The following ETV2 variants were observed in gnomAD, a reference collection of about 807,000 sequenced individuals.
ETV2 encodes the protein ETS translocation variant 2.
Under a neutral mutation model 35.7 loss-of-function variants are expected in ETV2, and 34 were observed. The ratio of observed to expected loss-of-function variants is 0.95; its 90% confidence interval spans 0.72 to 1.27. The LOEUF (loss-of-function observed/expected upper bound fraction) is 1.27. Among genes scored for constraint, ETV2 ranks in the 50% most tolerant of loss-of-function variants. ETV2 has a pLI of 0.00. For missense variants in ETV2, 512 were observed against 470.5 expected (o/e 1.09, Z -0.82); for synonymous variants, 207 against 203.9 (o/e 1.02, Z -0.13).
chr19:35,644,118 G>C lies in ETV2; in HGVS notation c.716-117G>C. 1.4e-6 allele frequency: 1 copy of C among 737,782 alleles called. No homozygotes were observed. The highest frequency in any genetic ancestry group is 2.4e-6 in the Non-Finnish European group (1 of 418,934). The allele number at this position is 737,782 out of a possible 1,614,324, so 45.7% of individuals were successfully genotyped here. A position where few individuals can be genotyped will look rare whatever the true frequency, so the allele number is the denominator to read the frequency against. On this transcript the variant is annotated intron_variant, in intron 5 of 6. Coordinates refer to ENST00000402764, the MANE Select transcript of ETV2 (RefSeq NM_014209.4). This position sits in a 1 kb window ranked among gnomAD's most constrained non-coding sequence, Gnocchi z 4.7. Reference sequence around the variant, plus strand: ...ACTGTTGGATCTCAGAGAAGGGGGGGCGGATCCCCTTCTCGGGTCCTGGGT... The same window carrying C: ...ACTGTTGGATCTCAGAGAAGGGGGGCCGGATCCCCTTCTCGGGTCCTGGGT...
Position 35,643,204 on chromosome 19 carries a change from G to A in ETV2, c.236-70G>A. The A allele has an allele frequency of 6.5e-7, 1 of 1,531,166 alleles. No homozygotes were observed. Among genetic ancestry groups the A allele is most frequent in the Non-Finnish European group, 8.8e-7 (1 of 1,142,460 alleles). 94.8% of individuals were successfully genotyped at this position (1,531,166 alleles called of 1,614,324 possible). ...GCCGGGCCCCAAGTGCCAGGGTTGA[G>A]AGCTTAGACCCTAGAGTTTTTGAGG... On this transcript the variant is annotated intron_variant, in intron 4 of 6. Transcript: ENST00000402764. The surrounding 1 kb of genome is among the most constrained non-coding windows in gnomAD (Gnocchi z 5.0).
In ETV2 at chr19:35,644,691, A is replaced by T. The variant is rs773445775; in HGVS notation, c.868A>T (p.Met290Leu). Residue 290 changes from methionine to leucine, a missense_variant, in exon 7 of 7, where the codon ATG becomes TTG. Transcript: ENST00000402764. This position sits in a 1 kb window ranked among gnomAD's most constrained non-coding sequence, Gnocchi z 4.7. Reference protein sequence around the residue: ...LWGERKRKPGMNYEKLSRGLR... With the variant: ...LWGERKRKPGLNYEKLSRGLR... ...GGGCGAGCGCAAGAGAAAGCCGGGC[A>T]TGAATTACGAGAAGCTGAGCCGGGG... 2.5e-6 allele frequency: 4 copies of T among 1,603,570 alleles called. No individual in the cohort carries two copies. The highest frequency in any genetic ancestry group is 3.4e-6 in the Non-Finnish European group (4 of 1,174,278).
Position 35,643,671 on chromosome 19 carries a change from C to T in ETV2, c.633C>T (p.Ser211=). 3 of 1,613,834 alleles carry T rather than the reference C, an allele frequency of 1.9e-6. No individual in the cohort carries two copies. The highest frequency in any genetic ancestry group is 1.7e-5 in the Admixed American group (1 of 60,018). Residue 211 remains serine, a synonymous_variant, in exon 5 of 7, where the codon AGC becomes AGT. Coordinates refer to ENST00000402764, the MANE Select transcript of ETV2 (RefSeq NM_014209.4). This position sits in a 1 kb window ranked among gnomAD's most constrained non-coding sequence, Gnocchi z 5.0. ...CCACCTCTTTGAAGCGGTACCAGAG[C>T]TCAGCTCTCACCGTTTGCTCCGAAC... ...GGTTSLKRYQ[S]SALTVCSEPS... is the part of the protein sequence containing the mutation.
At position 35,643,076 on chromosome 19, in the gene ETV2, G is replaced by A; in HGVS notation, c.235+31G>A. On this transcript the variant is annotated intron_variant, in intron 4 of 6. Coordinates refer to ENST00000402764, the MANE Select transcript of ETV2 (RefSeq NM_014209.4). This position sits in a 1 kb window ranked among gnomAD's most constrained non-coding sequence, Gnocchi z 5.0. The stretch of plus-strand genomic sequence containing the variant: ...TGTGGGGAGAGGCGGTGGGAGGTGG[G>A]GACTGGGGTCCCGAGGCACCGGGGC... The A allele has an allele frequency of 6.9e-7, 1 of 1,454,952 alleles. No individual in the cohort carries two copies. Among genetic ancestry groups the A allele is most frequent in the South Asian group, 1.2e-5 (1 of 81,318 alleles). The allele number at this position is 1,454,952 out of a possible 1,614,324, so 90.1% of individuals were successfully genotyped here. A position where few individuals can be genotyped will look rare whatever the true frequency, so the allele number is the denominator to read the frequency against.
rs1411770693 is a variant in ETV2, at chr19:35,644,340, C to G, written c.821C>G (p.Pro274Arg). 6.5e-7 allele frequency: 1 copy of G among 1,544,888 alleles called. No homozygotes were observed. The highest frequency in any genetic ancestry group is 1.4e-5 in the African/African-American group (1 of 72,096). ...GNSREFQLCD[P>R]KEVARLWGER... ...AGCCGCGAGTTCCAGCTGTGCGACC[C>G]CAAAGAGGTGGGGCAGCTCCCCTGC... The change falls in exon 6 of 7, where the codon CCC becomes CGC. Residue 274 changes from proline to arginine, a missense_variant. Coordinates refer to ENST00000402764, the MANE Select transcript of ETV2 (RefSeq NM_014209.4). The surrounding 1 kb of genome is among the most constrained non-coding windows in gnomAD (Gnocchi z 4.7).
Position 35,643,651 on chromosome 19 carries a change from T to A in ETV2, c.613T>A (p.Ser205Thr), listed in dbSNP as rs576607703. The change falls in exon 5 of 7, where the codon TCT becomes ACT. Residue 205 changes from serine to threonine, a missense_variant. By Grantham distance (58) the Ser-to-Thr change is moderately conservative. Transcript: ENST00000402764. The surrounding 1 kb of genome is among the most constrained non-coding windows in gnomAD (Gnocchi z 5.0). ...NPGLHAGGTT[S>T]LKRYQSSALT... ...GGGGCTGCATGCGGGTGGCACCACC[T>A]CTTTGAAGCGGTACCAGAGCTCAGC... 6.2e-7 allele frequency: 1 copy of A among 1,613,598 alleles called. No homozygotes were observed. The highest frequency in any genetic ancestry group is 2.2e-5 in the East Asian group (1 of 44,828).
In ETV2 at chr19:35,644,603, C is replaced by T. The variant is rs1967715016; in HGVS notation, c.829-49C>T. 1 of 1,538,108 alleles carries T rather than the reference C, an allele frequency of 6.5e-7. No homozygotes were observed. Among genetic ancestry groups the T allele is most frequent in the Non-Finnish European group, 8.8e-7 (1 of 1,137,846 alleles). ...CCCCAGGCCCGGCCCTCCCCACTAT[C>T]GCCAAGCCCCGCCCCTTCCCACTCC... On this transcript the variant is annotated intron_variant, in intron 6 of 6. Coordinates refer to ENST00000402764, the MANE Select transcript of ETV2 (RefSeq NM_014209.4). The surrounding 1 kb of genome is among the most constrained non-coding windows in gnomAD (Gnocchi z 4.7).
Position 35,644,479 on chromosome 19 carries a change from C to A in ETV2, c.828+132C>A. 1 of 911,586 alleles carries A rather than the reference C, an allele frequency of 1.1e-6. No individual in the cohort carries two copies. The highest frequency in any genetic ancestry group is 1.7e-6 in the Non-Finnish European group (1 of 597,872). The allele number at this position is 911,586 out of a possible 1,614,324, so 56.5% of individuals were successfully genotyped here. A position where few individuals can be genotyped will look rare whatever the true frequency, so the allele number is the denominator to read the frequency against. ...CCGGCCCACTCGAGGCCCCGCCCAA[C>A]CCTTCTCAAACCCAATCTCCCGCCT... is the stretch of plus-strand genomic sequence containing the variant. On this transcript the variant is annotated intron_variant, in intron 6 of 6. Coordinates refer to ENST00000402764, the MANE Select transcript of ETV2 (RefSeq NM_014209.4). This position sits in a 1 kb window ranked among gnomAD's most constrained non-coding sequence, Gnocchi z 4.7.
In ETV2 at chr19:35,642,195, G is replaced by A. The variant is rs1409229622; in HGVS notation, c.-28+39G>A. The A allele has an allele frequency of 8.3e-6, 3 of 360,500 alleles. No individual in the cohort carries two copies. The highest frequency in any genetic ancestry group is 8.6e-5 in the South Asian group (2 of 23,290). 22.3% of individuals were successfully genotyped at this position (360,500 alleles called of 1,614,324 possible). A position where few individuals can be genotyped will look rare whatever the true frequency, so the allele number is the denominator to read the frequency against. Reference sequence around the variant, plus strand: ...TGAGGACTAGATGCCTGGGTGTCTGGGTTAGGAAGGACCTGGGGGACTAGA... The same window carrying A: ...TGAGGACTAGATGCCTGGGTGTCTGAGTTAGGAAGGACCTGGGGGACTAGA... On this transcript the variant is annotated intron_variant, in intron 1 of 6. Coordinates refer to ENST00000402764, the MANE Select transcript of ETV2 (RefSeq NM_014209.4). This position sits in a 1 kb window ranked among gnomAD's most constrained non-coding sequence, Gnocchi z 4.4.
rs1021492894 is a variant in ETV2, at chr19:35,643,528, A to G, written c.490A>G (p.Thr164Ala). Reference protein sequence around the residue: ...WDCSVGPDGDTYWGSGLGGEP... With the variant: ...WDCSVGPDGDAYWGSGLGGEP... Reference sequence around the variant, plus strand: ...CTGTTCTGTGGGGCCCGACGGCGATACCTACTGGGGCAGTGGCCTGGGCGG... The same window carrying G: ...CTGTTCTGTGGGGCCCGACGGCGATGCCTACTGGGGCAGTGGCCTGGGCGG... Residue 164 changes from threonine (T) to alanine (A), a missense_variant, in exon 5 of 7, where the codon ACC becomes GCC. By Grantham distance (58) the Thr-to-Ala change is moderately conservative. Transcript: ENST00000402764. This position sits in a 1 kb window ranked among gnomAD's most constrained non-coding sequence, Gnocchi z 5.0. 2 of 1,550,542 alleles carry G rather than the reference A, an allele frequency of 1.3e-6. No individual in the cohort carries two copies. The highest frequency in any genetic ancestry group is 2.7e-5 in the African/African-American group (2 of 72,948).
Position 35,642,430 on chromosome 19 carries a change from C to A in ETV2, c.-27-4C>A, listed in dbSNP as rs377390321. On this transcript the variant is annotated splice_region_variant and splice_polypyrimidine_tract_variant and intron_variant, in intron 1 of 6. Coordinates refer to ENST00000402764, the MANE Select transcript of ETV2 (RefSeq NM_014209.4). This position sits in a 1 kb window ranked among gnomAD's most constrained non-coding sequence, Gnocchi z 4.4. ...CATTGCCATCTGGACTTTTCCCGACCCAGAACATTCAGAAGGCCTTCATCG... is the reference window on the plus strand; with the variant it reads ...CATTGCCATCTGGACTTTTCCCGACACAGAACATTCAGAAGGCCTTCATCG... The A allele has an allele frequency of 1.3e-6, 2 of 1,494,136 alleles. No homozygotes were observed. Among genetic ancestry groups the A allele is most frequent in the Non-Finnish European group, 1.8e-6 (2 of 1,095,596 alleles). 92.6% of individuals were successfully genotyped at this position (1,494,136 alleles called of 1,614,324 possible). A position where few individuals can be genotyped will look rare whatever the true frequency, so the allele number is the denominator to read the frequency against.
chr19:35,642,618 G>T lies in ETV2; in HGVS notation c.74G>T (p.Gly25Val), dbSNP rs768983018. Residue 25 changes from glycine to valine, a missense_variant, in exon 3 of 7, where the codon GGA becomes GTA. Physicochemically the swap from Gly to Val is moderately radical, Grantham distance 109. Transcript: ENST00000402764. The surrounding 1 kb of genome is among the most constrained non-coding windows in gnomAD (Gnocchi z 4.4). ...PPGNKLAGLEGAKLGFCFPDL... is the reference protein window; with the variant it reads ...PPGNKLAGLEVAKLGFCFPDL... ...CCTAACCCCTTATCGCCTGCAGAAG[G>T]AGCCAAATTAGGCTTCTGTTTCCCT... is the stretch of plus-strand genomic sequence containing the variant. 23 of 1,609,906 alleles carry T rather than the reference G, an allele frequency of 1.4e-5. No homozygotes were observed. The East Asian group carries it at 3.8e-4, about 27-fold the overall frequency.
In ETV2 at chr19:35,644,785, G is replaced by A. The variant is rs1354585446; in HGVS notation, c.962G>A (p.Gly321Glu). 10 of 1,611,968 alleles carry A rather than the reference G, an allele frequency of 6.2e-6. No individual in the cohort carries two copies. Among genetic ancestry groups the A allele is most frequent in the Admixed American group, 1.7e-5 (1 of 59,732 alleles). ...SGGRKYTYRF[G>E]GRVPSLAYPD... is the part of the protein sequence containing the mutation. ...GGGCGAAAGTACACGTACCGCTTCG[G>A]GGGCCGCGTGCCCAGCCTAGCCTAT... Residue 321 changes from glycine to glutamate, a missense_variant, in exon 7 of 7, where the codon GGG becomes GAG. Coordinates refer to ENST00000402764, the MANE Select transcript of ETV2 (RefSeq NM_014209.4). The surrounding 1 kb of genome is among the most constrained non-coding windows in gnomAD (Gnocchi z 4.7).
chr19:35,643,637 C>A lies in ETV2; in HGVS notation c.599C>A (p.Ala200Glu), dbSNP rs944052356. 6.2e-7 allele frequency: 1 copy of A among 1,613,440 alleles called. No homozygotes were observed. Among genetic ancestry groups the A allele is most frequent in the South Asian group, 1.1e-5 (1 of 91,052 alleles). ...ACCTCCTGGAACCCGGGGCTGCATG[C>A]GGGTGGCACCACCTCTTTGAAGCGG... ...CTTSWNPGLHAGGTTSLKRYQ... is the reference protein window; with the variant it reads ...CTTSWNPGLHEGGTTSLKRYQ... Residue 200 changes from alanine (A) to glutamate (E), a missense_variant, in exon 5 of 7, where the codon GCG becomes GAG. Coordinates refer to ENST00000402764, the MANE Select transcript of ETV2 (RefSeq NM_014209.4). This position sits in a 1 kb window ranked among gnomAD's most constrained non-coding sequence, Gnocchi z 5.0.
chr19:35,642,607 G>C lies in ETV2; in HGVS notation c.71-8G>C. On this transcript the variant is annotated splice_region_variant and splice_polypyrimidine_tract_variant and intron_variant, in intron 2 of 6. Transcript: ENST00000402764. The surrounding 1 kb of genome is among the most constrained non-coding windows in gnomAD (Gnocchi z 4.4). ...CCTCTGCTGACCCTAACCCCTTATC[G>C]CCTGCAGAAGGAGCCAAATTAGGCT... 1.2e-6 allele frequency: 2 copies of C among 1,610,726 alleles called. No individual in the cohort carries two copies. The highest frequency in any genetic ancestry group is 1.7e-6 in the Non-Finnish European group (2 of 1,178,508).
At position 35,644,441 on chromosome 19, in the gene ETV2, G is replaced by A; in HGVS notation, c.828+94G>A. The A allele has an allele frequency of 1.0e-6, 1 of 979,938 alleles. No homozygotes were observed. Among genetic ancestry groups the A allele is most frequent in the East Asian group, 2.6e-5 (1 of 37,994 alleles). The allele number at this position is 979,938 out of a possible 1,614,324, so 60.7% of individuals were successfully genotyped here. ...GCTAGGTTCAACCGCGTAGCCCTCG[G>A]CCCCGCCGCTCCCCGGCCCACTCGA... On this transcript the variant is annotated intron_variant, in intron 6 of 6. Transcript: ENST00000402764. The surrounding 1 kb of genome is among the most constrained non-coding windows in gnomAD (Gnocchi z 4.7).
rs372471429 is a variant in ETV2 at position 35,644,780 on chromosome 19, C to T, written c.957C>T (p.Arg319=). ...GCGGGGGGCGAAAGTACACGTACCG[C>T]TTCGGGGGCCGCGTGCCCAGCCTAG... ...RKSGGRKYTY[R]FGGRVPSLAY... The change falls in exon 7 of 7, where the codon CGC becomes CGT. Residue 319 remains arginine, a synonymous_variant. Transcript: ENST00000402764. The surrounding 1 kb of genome is among the most constrained non-coding windows in gnomAD (Gnocchi z 4.7). 6.2e-7 allele frequency: 1 copy of T among 1,611,970 alleles called. No individual in the cohort carries two copies. Among genetic ancestry groups the T allele is most frequent in the Non-Finnish European group, 8.5e-7 (1 of 1,179,260 alleles).
chr19:35,643,021 C>A lies in ETV2; in HGVS notation c.211C>A (p.His71Asn). The A allele has an allele frequency of 6.4e-7, 1 of 1,570,440 alleles. No individual in the cohort carries two copies. The highest frequency in any genetic ancestry group is 8.6e-7 in the Non-Finnish European group (1 of 1,156,638). The stretch of plus-strand genomic sequence containing the variant: ...GCTGGACTGGGGCTCCGCGTTACTG[C>A]ACCCAGAAGTTCCATGGGGGGCGGG... The part of the protein sequence containing the change: ...PQLDWGSALL[H>N]PEVPWGAEPD... The change falls in exon 4 of 7, where the codon CAC becomes AAC. Residue 71 changes from histidine to asparagine, a missense_variant. His to Asn is a moderately conservative substitution (Grantham distance 68). Coordinates refer to ENST00000402764, the MANE Select transcript of ETV2 (RefSeq NM_014209.4). This position sits in a 1 kb window ranked among gnomAD's most constrained non-coding sequence, Gnocchi z 5.0.
At position 35,644,548 on chromosome 19, in the gene ETV2, G is replaced by T; in HGVS notation, c.829-104G>T. 1 of 1,154,902 alleles carries T rather than the reference G, an allele frequency of 8.7e-7. No homozygotes were observed. The allele number at this position is 1,154,902 out of a possible 1,614,324, so 71.5% of individuals were successfully genotyped here. On this transcript the variant is annotated intron_variant, in intron 6 of 6. Coordinates refer to ENST00000402764, the MANE Select transcript of ETV2 (RefSeq NM_014209.4). This position sits in a 1 kb window ranked among gnomAD's most constrained non-coding sequence, Gnocchi z 4.7. ...ACCCAGTCTCCACCGGGCTCTGCGAGGCCTCGCCCAGGTCTGCACTGCACA... is the reference window on the plus strand; with the variant it reads ...ACCCAGTCTCCACCGGGCTCTGCGATGCCTCGCCCAGGTCTGCACTGCACA...
Sources: gnomAD v4.1 joint callset for allele counts on GRCh38, gnomAD v4.1.1 for gene constraint, Gnocchi (gnomAD v3.1) non-coding constraint, MANE v1.5 for transcripts, NCBI Gene and HGNC (gene_info 2026-07-23, HGNC 2026-07-21) for gene names.